The following ZBTB8A variants were observed in gnomAD, a reference collection of about 807,000 sequenced individuals.
The protein encoded by ZBTB8A is zinc finger and BTB domain-containing protein 8A.
In ZBTB8A, 19 loss-of-function variants were observed where a neutral mutation model predicts 37.8. The observed-to-expected ratio is 0.50, with a 90% CI of 0.35 to 0.74. ZBTB8A has a LOEUF of 0.74. Ranked by LOEUF, ZBTB8A falls within the 30% of genes least tolerant of loss-of-function variation. ZBTB8A has a pLI of 0.01. For synonymous variants in ZBTB8A, 181 were observed against 185.2 expected (o/e 0.98, Z 0.19); for missense variants, 394 against 537.8 (o/e 0.73, Z 2.65).
intron 2 of ZBTB8A, among the ~76,000 whole-genome samples, chr1:32,566,264 A>G (rs901392890): frequency 6.6e-6 from 1 of 151,594 alleles, no homozygotes; most frequent in Non-Finnish European, 1.5e-5. Context: ...CAATAATCCC[A>G]GCACTTTGGG....
At chr1:32,594,543 A>AC (rs1644514995) in intron 3 of ZBTB8A, among the ~76,000 whole-genome samples, 3 of 152,048 alleles carry the variant, frequency 2.0e-5, no homozygotes, top group Admixed American at 2.0e-4. Context: ...CGGGCAGATC[A>AC]TGAGGTCAGG....
Position 32,595,059 on chromosome 1 carries a change from C to A in ZBTB8A, c.829C>A (p.Leu277Met), listed in dbSNP as rs1048038772. ...ATCAAAGCGTCTCTTGACAGATGAT[C>A]TGCCTCGGATGCGATTCAAGTGCCC... The part of the protein sequence containing the change: ...DVTSKSFPDD[L>M]PRMRFKCPYC... Residue 277 changes from leucine (L) to methionine (M), a missense_variant, in exon 4 of 5, where the codon CTG (leucine) becomes ATG (methionine). Coordinates refer to ENST00000373510, the MANE Select transcript of ZBTB8A (RefSeq NM_001040441.3). 6.2e-7 allele frequency: 1 copy of A among 1,612,984 alleles called. No individual in the cohort carries two copies. Among genetic ancestry groups the A allele is most frequent in the African/African-American group, 1.3e-5 (1 of 74,850 alleles).
At chr1:32,570,770 C>T (rs1644317055) in intron 2 of ZBTB8A, among the ~76,000 whole-genome samples, 2 of 152,014 alleles carry the variant, frequency 1.3e-5, no homozygotes, top group Admixed American at 6.6e-5. Context: ...TTGTTAAATT[C>T]AGTTATTTGT....
Position 32,567,791 on chromosome 1 carries a change from CAAAAAAAAAAAAAAAAA to C in ZBTB8A, c.-2+14267_-2+14283del, listed in dbSNP as rs1214976482. Among the ~76,000 whole-genome samples the C allele has an allele frequency of 4.7e-4, 3 of 6,424 alleles. 1 individual carries two copies. The highest frequency in any genetic ancestry group is 7.9e-3 in the Admixed American group (2 of 252). 4.2% of individuals were successfully genotyped at this position (6,424 alleles called of 152,430 possible). A position where few individuals can be genotyped will look rare whatever the true frequency, so the allele number is the denominator to read the frequency against. On this transcript the variant is annotated intron_variant, in intron 2 of 4. Transcript: ENST00000373510. The stretch of plus-strand genomic sequence containing the variant: ...TGGGTGATAGAGCAGGATTCTGTCT[CAAAAAAAAAAAAAAAAA>C]AAAAAAAAAAAAAAACAAAAACAAA...
At chr1:32,583,692 T>C (rs1287173365) in intron 2 of ZBTB8A, among the ~76,000 whole-genome samples, 1 of 152,124 alleles carries the variant, frequency 6.6e-6, no homozygotes, top group Non-Finnish European at 1.5e-5. Flanking sequence ...CTTAATCCAG[T>C]ATCACTGGTG....
At chr1:32,573,012 C>T (rs1644333066) in intron 2 of ZBTB8A, among the ~76,000 whole-genome samples, 1 of 149,026 alleles carries the variant, frequency 6.7e-6, no homozygotes, top group Non-Finnish European at 1.5e-5. Context: ...TTGTTCATTT[C>T]CTTCCTTCTA....
chr1:32,551,350 A>T (rs1166232892), intron 1 of ZBTB8A, among the ~76,000 whole-genome samples: 1 of 152,008 alleles, frequency 6.6e-6, no homozygotes, highest in Admixed American at 6.6e-5. Context: ...TGAGCCTGAG[A>T]GGTCAGGGCC....
chr1:32,566,365 G>T (rs775495528), intron 2 of ZBTB8A, among the ~76,000 whole-genome samples: 6 of 151,616 alleles, frequency 4.0e-5, no homozygotes, highest in African/African-American at 7.3e-5. Flanking sequence ...AAAAGAAAAA[G>T]AAAGAAAAAA....
At chr1:32,557,811 A>C (rs984011604) in intron 2 of ZBTB8A, among the ~76,000 whole-genome samples, 3 of 152,064 alleles carry the variant, frequency 2.0e-5, no homozygotes. Context: ...TTCAAATGCC[A>C]CCCTCTGTTG....
chr1:32,565,940 G>A (rs188892983), intron 2 of ZBTB8A, among the ~76,000 whole-genome samples: 32 of 152,158 alleles, frequency 2.1e-4, no homozygotes, highest in African/African-American at 7.2e-4. Context: ...CGTGGCTCAC[G>A]CCTGTAATCT....
intron 2 of ZBTB8A, among the ~76,000 whole-genome samples, chr1:32,568,855 A>G (rs1328465827): frequency 1.3e-5 from 2 of 152,178 alleles, no homozygotes; most frequent in African/African-American, 2.4e-5. Flanking sequence ...ATATACTACA[A>G]TTTATTTATT....
intron 4 of ZBTB8A, among the ~76,000 whole-genome samples, chr1:32,595,979 A>G (rs1644527182): frequency 6.6e-6 from 1 of 152,056 alleles, no homozygotes; most frequent in Non-Finnish European, 1.5e-5. Flanking sequence ...TTCTTAAGAA[A>G]TATGTACAGT....
At position 32,541,458 on chromosome 1, in the gene ZBTB8A, A is replaced by G. The variant is rs140458847; in HGVS notation, c.-84+1886A>G. 3.9e-5 allele frequency among the ~76,000 whole-genome samples: 6 copies of G among 152,266 alleles called. 1 individual carries two copies. The highest frequency in any genetic ancestry group is 1.9e-4 in the East Asian group (1 of 5,190). On this transcript the variant is annotated intron_variant, in intron 1 of 4. Coordinates refer to ENST00000373510, the MANE Select transcript of ZBTB8A (RefSeq NM_001040441.3). ...TTCCTTTGGACTTTACCCAAATGCC[A>G]TCTTCTCAATGAGGCTTTCCTCAAC...
rs142266461 is a variant in ZBTB8A, at chr1:32,601,728, T to C, written c.*1309T>C. 519 of 398,434 alleles carry C rather than the reference T, an allele frequency of 1.3e-3. 3 individuals carry two copies. Among genetic ancestry groups the C allele is most frequent in the African/African-American group, 1.0e-2 (487 of 48,744 alleles). The allele number at this position is 398,434 out of a possible 1,614,324, so 24.7% of individuals were successfully genotyped here. ...GTATGTCTCCTGAAATGGCAAAGAA[T>C]AGAAGTCAAACCTCACCAGTTGGCA... On this transcript the variant is annotated 3_prime_UTR_variant, in exon 5 of 5. Coordinates refer to ENST00000373510, the MANE Select transcript of ZBTB8A (RefSeq NM_001040441.3).
chr1:32,574,717 G>T (rs1275132630), intron 2 of ZBTB8A, among the ~76,000 whole-genome samples: 1 of 152,148 alleles, frequency 6.6e-6, no homozygotes, highest in East Asian at 1.9e-4. Context: ...CTCTTGTTGT[G>T]TAGAGTGTGC....
chr1:32,566,219 A>G (rs1644278205), intron 2 of ZBTB8A, among the ~76,000 whole-genome samples: 1 of 150,566 alleles, frequency 6.6e-6, no homozygotes, highest in South Asian at 2.1e-4. Context: ...AAAAAAAAAA[A>G]GAATAATTCT....
rs1199280820 is a variant in ZBTB8A at position 32,556,800 on chromosome 1, C to G, written c.-2+3260C>G. ...GCTGAGGCAGAAGAATCATTTGAAC[C>G]TGGGAGGCGGAGGTTGCAGTGAGCC... is the stretch of plus-strand genomic sequence containing the variant. On this transcript the variant is annotated intron_variant, in intron 2 of 4. Coordinates refer to ENST00000373510, the MANE Select transcript of ZBTB8A (RefSeq NM_001040441.3). Among the ~76,000 whole-genome samples the G allele has an allele frequency of 2.0e-5, 3 of 151,736 alleles. No homozygotes were observed. In the East Asian group the frequency reaches 5.8e-4, roughly 30 times the overall value.
rs1458423598 is a variant in ZBTB8A at position 32,600,722 on chromosome 1, A to G, written c.*303A>G. On this transcript the variant is annotated 3_prime_UTR_variant, in exon 5 of 5. Transcript: ENST00000373510. ...TCCAGAGATACCTTTTTCTTTTAAT[A>G]TTGGAGGATCTACTTAGCAAACTTT... 7 of 229,554 alleles carry G rather than the reference A, an allele frequency of 3.0e-5. No individual in the cohort carries two copies. The East Asian group carries it at 6.7e-4, about 22-fold the overall frequency. The allele number at this position is 229,554 out of a possible 1,614,324, so 14.2% of individuals were successfully genotyped here.
intron 2 of ZBTB8A, among the ~76,000 whole-genome samples, chr1:32,589,506 C>A (rs999876048): frequency 1.3e-5 from 2 of 151,644 alleles, no homozygotes; most frequent in African/African-American, 4.9e-5. Context: ...CTGCCTCAGC[C>A]TCCCAAAGTG....
Sources: gnomAD v4.1 joint callset for allele counts (sites outside exome capture counted in the v4.1 genomes callset) on GRCh38, gnomAD v4.1.1 for gene constraint, MANE v1.5 for transcripts, NCBI Gene and HGNC (gene_info 2026-07-23, HGNC 2026-07-21) for gene names.